Variants in TSNARE1 observed in about 807,000 individuals in gnomAD.
The protein encoded by TSNARE1 is t-SNARE domain containing 1, also known as t-SNARE domain-containing protein 1.
Under a neutral mutation model 62.0 loss-of-function variants are expected in TSNARE1, and 49 were observed. The observed-to-expected ratio is 0.79, with a 90% confidence interval of 0.63 to 1.00. The LOEUF is 1.00. Among genes scored for constraint, TSNARE1 ranks in the 50% least tolerant of loss-of-function variants. The pLI, the probability that TSNARE1 is intolerant of heterozygous loss-of-function variation, is 0.00. For missense variants in TSNARE1, 755 were observed against 700.1 expected, an observed-to-expected ratio of 1.08 and a Z score of -0.88; for synonymous variants, 328 against 294.4, an observed-to-expected ratio of 1.11 and a Z score of -1.17.
intron 12 of TSNARE1, chr8:142,270,481 CATATATAT>C (rs67801065): frequency 4.4e-5 from 36 of 819,140 alleles, no homozygotes; most frequent in African/African-American, 1.6e-4. Context: ...AATATATAGG[CATATATAT>C]ATATATATAT....
chr8:142,222,347 C>CTAAT (rs1816354868), intron 13 of TSNARE1, among the ~76,000 whole-genome samples: 1 of 16,974 alleles, frequency 5.9e-5, no homozygotes, highest in African/African-American at 1.7e-4. Flanking sequence ...CACTCATCCA[C>CTAAT]TCACTCACTC....
chr8:142,357,100 A>G (rs533594940), intron 1 of TSNARE1, among the ~76,000 whole-genome samples: 2 of 152,226 alleles, frequency 1.3e-5, no homozygotes, highest in East Asian at 3.9e-4. Flanking sequence ...AGCCCTGCAC[A>G]GGCACTTCTC....
intron 12 of TSNARE1, among the ~76,000 whole-genome samples, chr8:142,256,272 CACCACCATTACCATCATCACCACA>C: frequency 7.4e-6 from 1 of 135,162 alleles, no homozygotes. Context: ...TCACCATCAC[CACCACCATTACCATCATCACCACA>C]CCCACCACCA....
At chr8:142,374,458 C>T (rs1836166004) in intron 1 of TSNARE1, among the ~76,000 whole-genome samples, 1 of 151,790 alleles carries the variant, frequency 6.6e-6, no homozygotes, top group Admixed American at 6.6e-5. Context: ...GTAGGCGGAT[C>T]ACGAGGTCAG....
intron 1 of TSNARE1, among the ~76,000 whole-genome samples, chr8:142,358,454 G>A (rs1257297464): frequency 1.3e-5 from 2 of 151,370 alleles, no homozygotes; most frequent in East Asian, 1.9e-4. Flanking sequence ...CCCCTGGGGG[G>A]ACTGGAAGGC....
intron 12 of TSNARE1, chr8:142,269,865 C>T: frequency 2.0e-6 from 2 of 985,454 alleles, no homozygotes; most frequent in Non-Finnish European, 2.4e-6. Flanking sequence ...GTGGCTACAC[C>T]TCAGGTTCTT....
intron 6 of TSNARE1, among the ~76,000 whole-genome samples, chr8:142,320,246 T>G: frequency 6.6e-6 from 1 of 152,126 alleles, no homozygotes; most frequent in Non-Finnish European, 1.5e-5. Flanking sequence ...TCACCAACAG[T>G]TCCACATCTC....
intron 12 of TSNARE1, chr8:142,274,181 T>A (rs1417646934): frequency 5.1e-6 from 5 of 985,380 alleles, no homozygotes; most frequent in South Asian, 9.4e-5. Context: ...CAGGCCACAA[T>A]GGGGACAGAG....
At chr8:142,237,052 A>G (rs1054324852) in intron 12 of TSNARE1, among the ~76,000 whole-genome samples, 1 of 152,078 alleles carries the variant, frequency 6.6e-6, no homozygotes, top group Non-Finnish European at 1.5e-5. Context: ...GCCCGGAGCC[A>G]GGGGCCTGAG....
chr8:142,347,324 A>T (rs2130497345), intron 2 of TSNARE1, among the ~76,000 whole-genome samples: 1 of 152,362 alleles, frequency 6.6e-6, no homozygotes, highest in East Asian at 1.9e-4. Flanking sequence ...GCACTGACCA[A>T]GGCCCGGAGG....
intron 1 of TSNARE1, among the ~76,000 whole-genome samples, chr8:142,360,940 A>G (rs6583618): frequency 1 from 151,582 of 152,258 alleles, 75,456 homozygotes; most frequent in Middle Eastern, 1. Flanking sequence ...GCAGGGGGCC[A>G]GGCCCCCACA....
At chr8:142,305,479 G>A (rs1412432284) in intron 9 of TSNARE1, among the ~76,000 whole-genome samples, 1 of 152,114 alleles carries the variant, frequency 6.6e-6, no homozygotes, top group Non-Finnish European at 1.5e-5. Flanking sequence ...CCAGGAAGGC[G>A]GCAGGGCTGG....
chr8:142,250,855 C>A lies in TSNARE1; in HGVS notation c.1447-21276G>T, dbSNP rs566233805. Among the ~76,000 whole-genome samples, 263 of 152,310 alleles carry A rather than the reference C, an allele frequency of 1.7e-3. 2 individuals are homozygous for A. Among genetic ancestry groups the A allele is most frequent in the Non-Finnish European group, 2.9e-3 (197 of 68,024 alleles). ...GTGCAGACTGCCTTGAACGCAGGAG[C>A]CGACGGACGAGGGGCTAGCCTTTCC... On this transcript the variant is annotated intron_variant, in intron 12 of 13. Transcript: ENST00000524325.
At chr8:142,236,316 G>A (rs1388783940) in intron 12 of TSNARE1, among the ~76,000 whole-genome samples, 1 of 151,730 alleles carries the variant, frequency 6.6e-6, no homozygotes, top group Non-Finnish European at 1.5e-5. Context: ...GGCAGACAGA[G>A]GCAGGAGGTG....
intron 1 of TSNARE1, among the ~76,000 whole-genome samples, chr8:142,385,125 A>C (rs920555350): frequency 4.6e-5 from 7 of 152,076 alleles, no homozygotes; most frequent in African/African-American, 1.4e-4. Flanking sequence ...GGGAGGGAGG[A>C]AGGCAGGCAG....
chr8:142,294,499 G>A (rs977292413), intron 10 of TSNARE1, among the ~76,000 whole-genome samples: 1 of 152,214 alleles, frequency 6.6e-6, no homozygotes, highest in Non-Finnish European at 1.5e-5. Context: ...CATGGTTCTG[G>A]CCTGGGCTCC....
At chr8:142,325,129 C>A (rs1287636702) in intron 6 of TSNARE1, among the ~76,000 whole-genome samples, 1 of 152,204 alleles carries the variant, frequency 6.6e-6, no homozygotes, top group African/African-American at 2.4e-5. Flanking sequence ...GTGGCCAGGG[C>A]GAGTGGGCCG....
At chr8:142,273,078 G>A (rs1819865616) in intron 12 of TSNARE1, 2 of 985,298 alleles carry the variant, frequency 2.0e-6, no homozygotes, top group Admixed American at 1.2e-4. Context: ...TGTGTCGGGG[G>A]GGCGGTGCCT....
At chr8:142,333,939 A>G (rs897845938) in intron 4 of TSNARE1, among the ~76,000 whole-genome samples, 6 of 151,390 alleles carry the variant, frequency 4.0e-5, no homozygotes, top group Non-Finnish European at 7.4e-5. Flanking sequence ...AGGTCAAGCC[A>G]GGGCCTCAGT....
Sources: gnomAD v4.1 joint callset for allele counts (sites outside exome capture counted in the v4.1 genomes callset) on GRCh38, gnomAD v4.1.1 for gene constraint, MANE v1.5 for transcripts, NCBI Gene and HGNC (gene_info 2026-07-23, HGNC 2026-07-21) for gene names.